RAD54L: variants seen among roughly 807,000 people sequenced by gnomAD.
The protein encoded by RAD54L is DNA repair and recombination protein RAD54-like.
RAD54L carries 74 observed loss-of-function variants against 91.6 expected under a neutral mutation model. That is an observed-to-expected ratio of 0.81 (90% CI 0.67 to 0.98). RAD54L has a LOEUF of 0.98. RAD54L is among the 50% of genes least tolerant of loss of function. The pLI is 0.00. For missense variants in RAD54L, 887 were observed against 945.7 expected, an observed-to-expected ratio of 0.94 and a Z score of 0.81; for synonymous variants, 304 against 349.7, an observed-to-expected ratio of 0.87 and a Z score of 1.46.
chr1:46,248,909 C>T (rs940554018), intron 2 of RAD54L, among the ~76,000 whole-genome samples: 5 of 152,206 alleles, frequency 3.3e-5, no homozygotes, highest in Non-Finnish European at 4.4e-5. Flanking sequence ...GCAGCTGGCT[C>T]TTTTGCTCTT....
At chr1:46,259,640 G>A (rs903194883) in intron 4 of RAD54L, among the ~76,000 whole-genome samples, 1 of 152,092 alleles carries the variant, frequency 6.6e-6, no homozygotes, top group Non-Finnish European at 1.5e-5. Flanking sequence ...GCTGGGTGTG[G>A]TGGTGGGAGC....
Position 46,261,248 on chromosome 1 carries a change from T to G in RAD54L, c.767-13T>G, listed in dbSNP as rs1190343908. On this transcript the variant is annotated splice_polypyrimidine_tract_variant and intron_variant, in intron 7 of 17. Transcript: ENST00000371975. ...GATTCTGAATTGTTCCCTTTACACC[T>G]TTTCTGTTGTAGAAGGATTCATGAA... 1 of 1,606,418 alleles carries G rather than the reference T, an allele frequency of 6.2e-7. No homozygotes were observed. The highest frequency in any genetic ancestry group is 1.7e-5 in the Admixed American group (1 of 59,952).
Position 46,274,087 on chromosome 1 carries a change from T to C in RAD54L, c.1611-51T>C, listed in dbSNP as rs757501623. 1.8e-5 allele frequency: 27 copies of C among 1,526,266 alleles called. No individual in the cohort carries two copies. In the East Asian group the frequency reaches 2.0e-4, roughly 11 times the overall value. The allele number at this position is 1,526,266 out of a possible 1,614,324, so 94.5% of individuals were successfully genotyped here. ...AAAAATTTTTATTTTTAATTTTTTT[T>C]CCCCCTAATCATTGAAGCTTTATTT... On this transcript the variant is annotated intron_variant, in intron 14 of 17. Coordinates refer to ENST00000371975, the MANE Select transcript of RAD54L (RefSeq NM_003579.4).
At position 46,278,078 on chromosome 1, in the gene RAD54L, C is replaced by G; in HGVS notation, c.2040C>G (p.His680Gln). Reference protein sequence around the residue: ...ASLSDTHDRLHCRRCVNSRQI... With the variant: ...ASLSDTHDRLQCRRCVNSRQI... ...CTGTGCCTTCTGTCCCTAGGTTGCACTGCCGACGTTGTGTCAACAGCCGTC... is the reference window on the plus strand; with the variant it reads ...CTGTGCCTTCTGTCCCTAGGTTGCAGTGCCGACGTTGTGTCAACAGCCGTC... The change falls in exon 18 of 18, where the codon CAC (histidine) becomes CAG (glutamine). Residue 680 changes from histidine (H) to glutamine (Q), a missense_variant. His to Gln is a conservative substitution (Grantham distance 24). Transcript: ENST00000371975. 1.9e-6 allele frequency: 3 copies of G among 1,614,162 alleles called. No individual in the cohort carries two copies. Among genetic ancestry groups the G allele is most frequent in the Non-Finnish European group, 2.5e-6 (3 of 1,180,004 alleles).
rs1659707999 is a variant in RAD54L, at chr1:46,248,413, G to C, written c.3+5G>C. On this transcript the variant is annotated splice_donor_5th_base_variant and intron_variant, in intron 1 of 17. Coordinates refer to ENST00000371975, the MANE Select transcript of RAD54L (RefSeq NM_003579.4). ...TAAACTCCTAGGCCCAGGATGGTAAGTGTGGGCCTAGGGGAGACTGGGAAT... is the reference window on the plus strand; with the variant it reads ...TAAACTCCTAGGCCCAGGATGGTAACTGTGGGCCTAGGGGAGACTGGGAAT... 5 of 1,614,050 alleles carry C rather than the reference G, an allele frequency of 3.1e-6. No individual in the cohort carries two copies. In the East Asian group the frequency reaches 1.1e-4, roughly 36 times the overall value.
At chr1:46,274,858 C>A in intron 16 of RAD54L, 141 bp downstream of exon 16, 2 of 979,058 alleles carry the variant, frequency 2.0e-6, no homozygotes, top group Non-Finnish European at 3.2e-6. Context: ...GTCTTTTATT[C>A]TTCTGTTCTC....
chr1:46,274,442 GT>G, intron 15 of RAD54L, 95 bp from the exon 16 acceptor site: 1 of 1,415,860 alleles, frequency 7.1e-7, no homozygotes, highest in African/African-American at 1.4e-5. Flanking sequence ...TTGGTACTGA[GT>G]AGTATAGAGG....
At chr1:46,251,333 AAC>A (rs1347571326) in intron 3 of RAD54L, among the ~76,000 whole-genome samples, 3 of 152,198 alleles carry the variant, frequency 2.0e-5, no homozygotes, top group African/African-American at 4.8e-5. Context: ...ACAAAAAAAC[AAC>A]AGTTTTGTGT....
chr1:46,276,241 G>A (rs976801730), intron 16 of RAD54L, among the ~76,000 whole-genome samples: 1 of 152,076 alleles, frequency 6.6e-6, no homozygotes, highest in Non-Finnish European at 1.5e-5. Flanking sequence ...ATAGTGGCAC[G>A]ATCATGGACC....
chr1:46,249,868 G>C (rs538444193), intron 2 of RAD54L, 132 bp from the exon 3 acceptor site: 1 of 950,390 alleles, frequency 1.1e-6, no homozygotes, highest in East Asian at 2.5e-5. Flanking sequence ...TTGCTATGAA[G>C]ATGATACACT....
At chr1:46,260,444 G>A in intron 5 of RAD54L, 98 bp from the exon 6 acceptor site, 2 of 1,224,830 alleles carry the variant, frequency 1.6e-6, no homozygotes, top group Non-Finnish European at 2.4e-6. Flanking sequence ...CTTTTAGGCA[G>A]CTGCCTCTGT....
chr1:46,251,291 G>A (rs961438810), intron 3 of RAD54L, among the ~76,000 whole-genome samples: 1 of 152,094 alleles, frequency 6.6e-6, no homozygotes, highest in Admixed American at 6.6e-5. Flanking sequence ...CAGCCTGGGC[G>A]ACAAGAGTGA....
chr1:46,277,426 C>A (rs1660643644), intron 16 of RAD54L: 2 of 310,032 alleles, frequency 6.5e-6, no homozygotes, highest in East Asian at 8.3e-5. Flanking sequence ...ATATATGATT[C>A]TTTTTTGTAT....
chr1:46,256,280 CG>C (rs1659938573), intron 3 of RAD54L, among the ~76,000 whole-genome samples: 1 of 152,030 alleles, frequency 6.6e-6, no homozygotes, highest in African/African-American at 2.4e-5. Flanking sequence ...GGTCTCACTA[CG>C]TTGCCTAGGG....
chr1:46,273,860 G>C (rs756915500), intron 14 of RAD54L, 113 bp downstream of exon 14: 3 of 1,435,052 alleles, frequency 2.1e-6, no homozygotes, highest in Non-Finnish European at 1.9e-6. Flanking sequence ...GGCTTTCCCT[G>C]GAGATATCTT....
Position 46,278,184 on chromosome 1 carries a change from C to A in RAD54L, c.2146C>A (p.Arg716=). 1 of 1,613,716 alleles carries A rather than the reference C, an allele frequency of 6.2e-7. No homozygotes were observed. Among genetic ancestry groups the A allele is most frequent in the Non-Finnish European group, 8.5e-7 (1 of 1,179,872 alleles). ...WNHCTDKWGL[R]DEVLQAAWDA... ...CCACTGCACTGATAAGTGGGGGCTCCGGGATGAGGTACTCCAGGCTGCCTG... is the reference window on the plus strand; with the variant it reads ...CCACTGCACTGATAAGTGGGGGCTCAGGGATGAGGTACTCCAGGCTGCCTG... The change falls in exon 18 of 18, where the codon CGG becomes AGG. Residue 716 remains arginine (R), a synonymous_variant. Transcript: ENST00000371975.
intron 3 of RAD54L, among the ~76,000 whole-genome samples, chr1:46,250,696 C>A (rs12728721): frequency 6.6e-6 from 1 of 152,052 alleles, no homozygotes; most frequent in African/African-American, 2.4e-5. Flanking sequence ...GTTTTGTGGC[C>A]GGGTCGGGTG....
chr1:46,260,609 G>C lies in RAD54L; in HGVS notation c.475G>C (p.Glu159Gln). ...LSKVLRPHQR[E>Q]GVKFLWECVT... ...TAAGGTTTTGCGGCCTCATCAGAGA[G>C]AGGTAAATGAGGGTGAGGGGAACGA... Residue 159 changes from glutamate (E) to glutamine (Q), a missense_variant and splice_region_variant, in exon 6 of 18, where the codon GAG (glutamate) becomes CAG (glutamine). Transcript: ENST00000371975. 4 of 1,614,042 alleles carry C rather than the reference G, an allele frequency of 2.5e-6. No homozygotes were observed. Among genetic ancestry groups the C allele is most frequent in the Non-Finnish European group, 3.4e-6 (4 of 1,179,892 alleles).
At chr1:46,254,431 G>T (rs1338198867) in intron 3 of RAD54L, among the ~76,000 whole-genome samples, 1 of 152,006 alleles carries the variant, frequency 6.6e-6, no homozygotes, top group East Asian at 1.9e-4. Flanking sequence ...TCTAGGTCTG[G>T]AGTCAGTTGT....
Sources: gnomAD v4.1 joint callset for allele counts (sites outside exome capture counted in the v4.1 genomes callset) on GRCh38, gnomAD v4.1.1 for gene constraint, MANE v1.5 for transcripts, NCBI Gene and HGNC (gene_info 2026-07-23, HGNC 2026-07-21) for gene names.